IRF4: variants seen among roughly 807,000 people sequenced by gnomAD.
IRF4 encodes interferon regulatory factor 4.
Under a neutral mutation model 55.5 loss-of-function variants are expected in IRF4, and 13 were observed. The ratio of observed to expected loss-of-function variants is 0.23; its 90% confidence interval spans 0.15 to 0.37. The LOEUF is 0.37. IRF4 is among the 10% of genes least tolerant of loss of function. The pLI is 1.00. For missense variants in IRF4, 397 were observed against 593.8 expected (o/e 0.67, Z 3.44); for synonymous variants, 249 against 240.7 (o/e 1.03, Z -0.32).
rs1406658590 is a variant in IRF4 at position 401,608 on chromosome 6, C to T, written c.930C>T (p.His310=). 1.2e-6 allele frequency: 2 copies of T among 1,614,170 alleles called. No homozygotes were observed. The highest frequency in any genetic ancestry group is 1.7e-6 in the Non-Finnish European group (2 of 1,180,054). ...AAAACATTGAGAAGCTGCTGAGCCA[C>T]CTGGAGAGGGGCGTGGTCCTCTGGA... ...QRKNIEKLLS[H]LERGVVLWMA... is the part of the protein sequence containing the mutation. Residue 310 remains histidine, a synonymous_variant, in exon 7 of 9, where the codon CAC becomes CAT. Transcript: ENST00000380956.
At chr6:402,848 A>C (rs1761440571) in intron 7 of IRF4, among the ~76,000 whole-genome samples, 1 of 152,200 alleles carries the variant, frequency 6.6e-6, no homozygotes, top group Non-Finnish European at 1.5e-5. Flanking sequence ...CCTGGCCAAC[A>C]TGGCAAAACC....
chr6:403,738 G>A (rs1761468299), intron 7 of IRF4, among the ~76,000 whole-genome samples: 1 of 152,244 alleles, frequency 6.6e-6, no homozygotes, highest in African/African-American at 2.4e-5. Flanking sequence ...CAAGGAGGAT[G>A]CTGTGAACGT....
chr6:397,777 C>T (rs887624938), intron 5 of IRF4, among the ~76,000 whole-genome samples: 5 of 152,198 alleles, frequency 3.3e-5, no homozygotes, highest in Non-Finnish European at 4.4e-5. Flanking sequence ...CCCCTGCCCT[C>T]GGGAGTTCCC....
intron 5 of IRF4, 57 bp from the exon 6 acceptor site, chr6:398,771 C>T: frequency 7.6e-7 from 1 of 1,316,976 alleles, no homozygotes; most frequent in Non-Finnish European, 1.1e-6. Context: ...CCAGGAAGCC[C>T]CGCGGTGCGT....
At chr6:399,854 G>A (rs945481599) in intron 6 of IRF4, among the ~76,000 whole-genome samples, 1 of 152,190 alleles carries the variant, frequency 6.6e-6, no homozygotes, top group Non-Finnish European at 1.5e-5. Context: ...TGAGGTGCTC[G>A]TGAGTAACTG....
intron 7 of IRF4, among the ~76,000 whole-genome samples, chr6:402,528 C>T (rs62389396): frequency 6.6e-6 from 1 of 152,374 alleles, no homozygotes; most frequent in South Asian, 2.1e-4. Context: ...TCCTGAGCCC[C>T]TTCAGAAACT....
Position 393,504 on chromosome 6 carries a change from G to T in IRF4, c.216+136G>T, listed in dbSNP as rs1222342457. The T allele has an allele frequency of 1.8e-6, 1 of 565,790 alleles. No homozygotes were observed. Among genetic ancestry groups the T allele is most frequent in the East Asian group, 3.7e-5 (1 of 27,078 alleles). 35.0% of individuals were successfully genotyped at this position (565,790 alleles called of 1,614,324 possible). On this transcript the variant is annotated intron_variant, in intron 2 of 8. Transcript: ENST00000380956. This position sits in a 1 kb window ranked among gnomAD's most constrained non-coding sequence, Gnocchi z 5.4. ...GGGCGGGCGGCGGAGGCATCAGGTG[G>T]CGTCGCCGGAGCCGCAGGAGGAGGA...
rs1448885605 is a variant in IRF4, at chr6:408,989, G to GT, written c.*1395dup. ...TATACCTATCACTTACATTTTTGTG[G>GT]TTTTGAGAAAGTACAGCAGTAGACT... On this transcript the variant is annotated 3_prime_UTR_variant, in exon 9 of 9. Transcript: ENST00000380956. 1 of 225,568 alleles carries GT rather than the reference G, an allele frequency of 4.4e-6. No homozygotes were observed. Among genetic ancestry groups the GT allele is most frequent in the African/African-American group, 2.2e-5 (1 of 44,852 alleles). 14.0% of individuals were successfully genotyped at this position (225,568 alleles called of 1,614,324 possible).
intron 7 of IRF4, among the ~76,000 whole-genome samples, chr6:403,543 C>T (rs904506413): frequency 6.6e-6 from 1 of 152,192 alleles, no homozygotes; most frequent in African/African-American, 2.4e-5. Context: ...AGGTGCACTG[C>T]GTGAGAGACA....
intron 1 of IRF4, among the ~76,000 whole-genome samples, chr6:392,348 G>C (rs1002106112): frequency 1.3e-5 from 2 of 152,200 alleles, no homozygotes; most frequent in Admixed American, 6.5e-5. Context: ...CCGGCCTGGC[G>C]CGGTCCCTGC....
rs538037780 is a variant in IRF4, at chr6:393,798, C to T, written c.216+430C>T. Among the ~76,000 whole-genome samples, 16 of 152,226 alleles carry T rather than the reference C, an allele frequency of 1.1e-4. No individual in the cohort carries two copies. Among genetic ancestry groups the T allele is most frequent in the African/African-American group, 3.6e-4 (15 of 41,490 alleles). On this transcript the variant is annotated intron_variant, in intron 2 of 8. Transcript: ENST00000380956. This position sits in a 1 kb window ranked among gnomAD's most constrained non-coding sequence, Gnocchi z 5.4. ...TGCCGGCGGCTGTTTTCGTCTCTCACCGCGTCTCTGTTTCTCTTTTCGCTG... is the reference window on the plus strand; with the variant it reads ...TGCCGGCGGCTGTTTTCGTCTCTCATCGCGTCTCTGTTTCTCTTTTCGCTG...
intron 7 of IRF4, among the ~76,000 whole-genome samples, chr6:404,033 G>A (rs1292958567): frequency 1.3e-5 from 2 of 151,562 alleles, no homozygotes; most frequent in East Asian, 1.9e-4. Context: ...GAGAACAGTG[G>A]AGATCTTTGA....
In IRF4 at chr6:407,700, A is replaced by T; in HGVS notation, c.*102A>T. 2 of 1,087,458 alleles carry T rather than the reference A, an allele frequency of 1.8e-6. No homozygotes were observed. 67.4% of individuals were successfully genotyped at this position (1,087,458 alleles called of 1,614,324 possible). A position where few individuals can be genotyped will look rare whatever the true frequency, so the allele number is the denominator to read the frequency against. On this transcript the variant is annotated 3_prime_UTR_variant, in exon 9 of 9. Transcript: ENST00000380956. ...GTCTCCCAGGCTGGAGTGCAGTGAC[A>T]CAATCTCAGCTCACTGTGACCTCCG...
intron 7 of IRF4, among the ~76,000 whole-genome samples, chr6:402,587 C>A (rs543062375): frequency 1.3e-5 from 2 of 152,244 alleles, no homozygotes; most frequent in African/African-American, 2.4e-5. Flanking sequence ...GAATGTGCTT[C>A]TTCATTCAAC....
intron 4 of IRF4, among the ~76,000 whole-genome samples, chr6:396,510 A>G (rs1761262359): frequency 6.6e-6 from 1 of 152,236 alleles, no homozygotes; most frequent in Non-Finnish European, 1.5e-5. Flanking sequence ...GGATTCCCTG[A>G]GGAGTTTGGA....
chr6:398,954 C>A lies in IRF4; in HGVS notation c.745+19C>A, dbSNP rs1761336009. On this transcript the variant is annotated intron_variant, in intron 6 of 8. Coordinates refer to ENST00000380956, the MANE Select transcript of IRF4 (RefSeq NM_002460.4). ...TTCTCAGGTGAGTGCAGGGTTTGCT[C>A]CTGGAGGCACCGCAGGAGGCCAGCC... The A allele has an allele frequency of 6.4e-7, 1 of 1,554,284 alleles. No individual in the cohort carries two copies. Among genetic ancestry groups the A allele is most frequent in the African/African-American group, 1.4e-5 (1 of 73,790 alleles).
chr6:406,424 C>G (rs942799569), intron 8 of IRF4, among the ~76,000 whole-genome samples: 2 of 152,112 alleles, frequency 1.3e-5, no homozygotes, highest in African/African-American at 2.4e-5. Flanking sequence ...CACCTGTAAT[C>G]CCAGCTACTC....
chr6:395,205 G>A (rs1290381681), intron 3 of IRF4, among the ~76,000 whole-genome samples, 198 bp downstream of exon 3: 2 of 149,804 alleles, frequency 1.3e-5, no homozygotes, highest in Admixed American at 6.6e-5. Flanking sequence ...TTCAGCATAG[G>A]AGAATTAATC....
At chr6:392,669 G>A (rs1761137648) in intron 1 of IRF4, among the ~76,000 whole-genome samples, 1 of 149,118 alleles carries the variant, frequency 6.7e-6, no homozygotes, top group Admixed American at 6.6e-5. Flanking sequence ...GCCGCCAGGG[G>A]AGTGGAAACT....
Sources: gnomAD v4.1 joint callset for allele counts (sites outside exome capture counted in the v4.1 genomes callset) on GRCh38, gnomAD v4.1.1 for gene constraint, Gnocchi (gnomAD v3.1) non-coding constraint, MANE v1.5 for transcripts, NCBI Gene and HGNC (gene_info 2026-07-23, HGNC 2026-07-21) for gene names.